CDH6: variants seen among roughly 807,000 people sequenced by gnomAD.
The protein encoded by CDH6 is cadherin-6.
CDH6 carries 31 observed loss-of-function variants against 78.0 expected under a neutral mutation model. The ratio of observed to expected loss-of-function variants is 0.40; its 90% CI spans 0.30 to 0.54. The LOEUF (loss-of-function observed/expected upper bound fraction) is 0.54. Ranked by LOEUF, CDH6 falls within the 20% of genes least tolerant of loss-of-function variation. The pLI is 0.56. For missense variants in CDH6, 724 were observed against 975.9 expected (o/e 0.74, Z 3.44); for synonymous variants, 376 against 368.8 (o/e 1.02, Z -0.23).
At chr5:31,283,304 A>G (rs1323548116) in intron 2 of CDH6, among the ~76,000 whole-genome samples, 1 of 152,216 alleles carries the variant, frequency 6.6e-6, no homozygotes, top group Non-Finnish European at 1.5e-5. Flanking sequence ...TGTTTGGTAC[A>G]GAGTAAGCTT....
At chr5:31,269,711 G>T (rs888224700) in intron 2 of CDH6, among the ~76,000 whole-genome samples, 8 of 152,228 alleles carry the variant, frequency 5.3e-5, no homozygotes, top group African/African-American at 1.9e-4. Flanking sequence ...AAAGCTCAGT[G>T]GAAAATACAC....
At chr5:31,226,069 C>T (rs1436693503) in intron 1 of CDH6, among the ~76,000 whole-genome samples, 2 of 152,126 alleles carry the variant, frequency 1.3e-5, no homozygotes, top group Non-Finnish European at 2.9e-5. Context: ...AAGTAATGCA[C>T]TTCTCAGGTT....
At chr5:31,265,935 C>T (rs768927612) in intron 1 of CDH6, among the ~76,000 whole-genome samples, 12 of 151,622 alleles carry the variant, frequency 7.9e-5, no homozygotes, top group South Asian at 2.1e-4. Context: ...CCACCACGCC[C>T]GGCTAATTTT....
Position 31,295,524 on chromosome 5 carries a change from CTT to C in CDH6, c.523+1269_523+1270del, listed in dbSNP as rs1737559540. On this transcript the variant is annotated intron_variant, in intron 3 of 11. Coordinates refer to ENST00000265071, the MANE Select transcript of CDH6 (RefSeq NM_004932.4). ...TTAGGGGTAGTTGACAGTAACATGT[CTT>C]GAGAAAAATAAAAAGGCTTTTTTCA... 2.0e-5 allele frequency among the ~76,000 whole-genome samples: 3 copies of C among 152,166 alleles called. 1 individual carries two copies. Among genetic ancestry groups the C allele is most frequent in the African/African-American group, 7.2e-5 (3 of 41,504 alleles).
intron 7 of CDH6, among the ~76,000 whole-genome samples, 160 bp from the exon 8 acceptor site, chr5:31,313,158 T>C (rs1380828594): frequency 2.6e-5 from 4 of 152,196 alleles, no homozygotes; most frequent in Admixed American, 2.0e-4. Context: ...TTTTACTTAA[T>C]GTCAGGTTGT....
chr5:31,315,286 A>C (rs746827096), intron 8 of CDH6, among the ~76,000 whole-genome samples: 59 of 152,210 alleles, frequency 3.9e-4, no homozygotes, highest in Non-Finnish European at 7.6e-4. Flanking sequence ...AGCTCCAGGA[A>C]ACAGGATCTT....
At chr5:31,321,908 T>A (rs1738486210) in intron 11 of CDH6, among the ~76,000 whole-genome samples, 1 of 152,152 alleles carries the variant, frequency 6.6e-6, no homozygotes, top group Non-Finnish European at 1.5e-5. Context: ...CACCCATATG[T>A]CCATTCATAG....
intron 1 of CDH6, among the ~76,000 whole-genome samples, chr5:31,204,604 C>T (rs7705406): frequency 0.24 from 37,014 of 152,048 alleles, 4,646 homozygotes; most frequent in Middle Eastern, 0.28. Flanking sequence ...ATTAATTGAG[C>T]ATATGTTTGC....
intron 2 of CDH6, 103 bp downstream of exon 2, chr5:31,267,804 G>A (rs1394953191): frequency 2.3e-6 from 2 of 855,210 alleles, no homozygotes; most frequent in Admixed American, 5.1e-5. Context: ...AATATAGTAA[G>A]AATTGTTGCT....
At chr5:31,195,105 T>G (rs1293458224) in intron 1 of CDH6, among the ~76,000 whole-genome samples, 1 of 151,846 alleles carries the variant, frequency 6.6e-6, no homozygotes, top group Non-Finnish European at 1.5e-5. Context: ...AAAATTTAAA[T>G]GATGATAGTC....
intron 1 of CDH6, among the ~76,000 whole-genome samples, chr5:31,234,987 G>C (rs10077883): frequency 0.034 from 5,101 of 152,172 alleles, 281 homozygotes; most frequent in African/African-American, 0.12. Context: ...TAATATGAAG[G>C]CCTCCCTGTG....
chr5:31,269,004 T>G (rs1409662937), intron 2 of CDH6, among the ~76,000 whole-genome samples: 1 of 152,204 alleles, frequency 6.6e-6, no homozygotes, highest in Non-Finnish European at 1.5e-5. Context: ...TCTGTGTGAC[T>G]ACTAAAGACA....
chr5:31,276,118 T>A (rs908038792), intron 2 of CDH6, among the ~76,000 whole-genome samples: 7 of 152,240 alleles, frequency 4.6e-5, no homozygotes, highest in African/African-American at 1.7e-4. Flanking sequence ...GACAATAAAA[T>A]GTAACCGTCA....
chr5:31,263,648 T>G (rs747134561), intron 1 of CDH6, among the ~76,000 whole-genome samples: 1 of 152,054 alleles, frequency 6.6e-6, no homozygotes, highest in Non-Finnish European at 1.5e-5. Context: ...CATTAATCCA[T>G]GAACAAGTTA....
rs2287581 is a variant in CDH6 at position 31,305,158 on chromosome 5, C to G, written c.1000-16C>G. On this transcript the variant is annotated splice_polypyrimidine_tract_variant and intron_variant, in intron 6 of 11. Coordinates refer to ENST00000265071, the MANE Select transcript of CDH6 (RefSeq NM_004932.4). ...GCTTTAAATATGTCACTTCTTCCCC[C>G]ACCCCCAACCTCAAGCTCTTGGACT... 1 of 1,598,408 alleles carries G rather than the reference C, an allele frequency of 6.3e-7. No homozygotes were observed. The highest frequency in any genetic ancestry group is 1.1e-5 in the South Asian group (1 of 88,554).
At chr5:31,253,878 T>C (rs1202869602) in intron 1 of CDH6, among the ~76,000 whole-genome samples, 1 of 152,092 alleles carries the variant, frequency 6.6e-6, no homozygotes, top group Non-Finnish European at 1.5e-5. Flanking sequence ...TGACTAACTT[T>C]TCAGAAAAAT....
chr5:31,299,442 C>G (rs1398278201), intron 4 of CDH6, 22 bp from the exon 5 acceptor site: 4 of 1,597,748 alleles, frequency 2.5e-6, no homozygotes, highest in African/African-American at 1.3e-5. Context: ...TCCCTTTGCA[C>G]TCTTAAATTT....
At chr5:31,307,995 C>T (rs1457849444) in intron 7 of CDH6, among the ~76,000 whole-genome samples, 1 of 152,070 alleles carries the variant, frequency 6.6e-6, no homozygotes, top group Non-Finnish European at 1.5e-5. Context: ...AGATTTAAGA[C>T]TAGAAATACT....
intron 1 of CDH6, among the ~76,000 whole-genome samples, chr5:31,215,308 C>T (rs1740833065): frequency 1.3e-5 from 2 of 152,126 alleles, no homozygotes; most frequent in South Asian, 4.1e-4. Context: ...TCTAGTTTTA[C>T]TATCCACACC....
Sources: gnomAD v4.1 joint callset for allele counts (sites outside exome capture counted in the v4.1 genomes callset) on GRCh38, gnomAD v4.1.1 for gene constraint, MANE v1.5 for transcripts, NCBI Gene and HGNC (gene_info 2026-07-23, HGNC 2026-07-21) for gene names.